Variants in LRRC4C observed in about 807,000 individuals in gnomAD.
The protein encoded by LRRC4C is leucine-rich repeat-containing protein 4C.
LRRC4C carries 5 observed loss-of-function variants against 33.6 expected under a neutral mutation model. That is an observed-to-expected ratio of 0.15 (90% CI 0.08 to 0.31). LRRC4C has a LOEUF of 0.31. Ranked by LOEUF, LRRC4C falls within the 10% of genes least tolerant of loss-of-function variation. The pLI, the probability that LRRC4C is intolerant of heterozygous loss-of-function variation, is 1.00. For synonymous variants in LRRC4C, 329 were observed against 302.0 expected (o/e 1.09, Z -0.93); for missense variants, 560 against 796.7 (o/e 0.70, Z 3.58).
intron 4 of LRRC4C, among the ~76,000 whole-genome samples, chr11:40,259,913 G>C (rs1867553575): frequency 6.6e-6 from 1 of 151,416 alleles, no homozygotes; most frequent in African/African-American, 2.4e-5. Context: ...AACAGGTGCT[G>C]GAGAGGATGT....
rs555069075 is a variant in LRRC4C at position 40,153,351 on chromosome 11, A to G, written c.-95-12498T>C. 9.2e-5 allele frequency among the ~76,000 whole-genome samples: 14 copies of G among 152,208 alleles called. No homozygotes were observed. In the South Asian group the frequency reaches 2.5e-3, roughly 27 times the overall value. On this transcript the variant is annotated intron_variant, in intron 5 of 6. Coordinates refer to ENST00000528697, the MANE Select transcript of LRRC4C (RefSeq NM_001258419.2). ...TATCCAAATGAGAAGGAGCCAGAAA[A>G]CCAACCCTGGTAATATGACAAAACA...
At chr11:40,388,491 T>C (rs1949204987) in intron 3 of LRRC4C, among the ~76,000 whole-genome samples, 1 of 152,118 alleles carries the variant, frequency 6.6e-6, no homozygotes, top group Non-Finnish European at 1.5e-5. Context: ...TCCCAAACCT[T>C]ACAAACTCTC....
chr11:41,251,059 C>A (rs542706693), intron 1 of LRRC4C, among the ~76,000 whole-genome samples: 8 of 152,222 alleles, frequency 5.3e-5, no homozygotes, highest in African/African-American at 1.9e-4. Context: ...TCTTATTTTA[C>A]TTTACACTCA....
At chr11:40,653,031 A>G (rs964457642) in intron 2 of LRRC4C, among the ~76,000 whole-genome samples, 1 of 152,168 alleles carries the variant, frequency 6.6e-6, no homozygotes, top group African/African-American at 2.4e-5. Flanking sequence ...GCCTTCTGCC[A>G]TGATTGTAAG....
At chr11:40,177,860 G>A (rs776718816) in intron 5 of LRRC4C, among the ~76,000 whole-genome samples, 3 of 152,010 alleles carry the variant, frequency 2.0e-5, no homozygotes, top group Non-Finnish European at 4.4e-5. Context: ...GATGTACCCC[G>A]AGTGTTTATG....
At chr11:40,523,110 A>T (rs2135244207) in intron 3 of LRRC4C, among the ~76,000 whole-genome samples, 1 of 152,310 alleles carries the variant, frequency 6.6e-6, no homozygotes, top group East Asian at 1.9e-4. Context: ...ATTTTATGAG[A>T]AATCACCATA....
At chr11:41,373,203 T>C (rs1325654932) in intron 1 of LRRC4C, among the ~76,000 whole-genome samples, 2 of 152,096 alleles carry the variant, frequency 1.3e-5, no homozygotes, top group Non-Finnish European at 2.9e-5. Flanking sequence ...CAGTTGAATA[T>C]TGTATCCTTT....
intron 3 of LRRC4C, among the ~76,000 whole-genome samples, chr11:40,574,425 T>C (rs1045482595): frequency 6.6e-6 from 1 of 152,136 alleles, no homozygotes; most frequent in Non-Finnish European, 1.5e-5. Context: ...AGAACCAATG[T>C]TTCTAAATAC....
intron 3 of LRRC4C, among the ~76,000 whole-genome samples, chr11:40,554,727 G>A (rs116325490): frequency 7.3e-6 from 1 of 137,526 alleles, no homozygotes; most frequent in African/African-American, 3.1e-5. Context: ...CTGTAAATGG[G>A]ATTGCATTCT....
At chr11:40,351,367 G>T (rs1052741187) in intron 3 of LRRC4C, among the ~76,000 whole-genome samples, 1 of 151,864 alleles carries the variant, frequency 6.6e-6, no homozygotes, top group African/African-American at 2.4e-5. Context: ...AGAAGAATGT[G>T]CATTCTGCAG....
intron 2 of LRRC4C, among the ~76,000 whole-genome samples, chr11:40,931,936 T>C (rs1592124670): frequency 6.6e-6 from 1 of 152,104 alleles, no homozygotes; most frequent in African/African-American, 2.4e-5. Flanking sequence ...AATCTATTAA[T>C]TGAAGTCATT....
chr11:40,273,380 AAT>A (rs933592619), intron 4 of LRRC4C, among the ~76,000 whole-genome samples: 1 of 152,160 alleles, frequency 6.6e-6, no homozygotes, highest in Admixed American at 6.6e-5. Flanking sequence ...CAGTGCATAT[AAT>A]TCAATAAGTA....
At chr11:40,689,570 A>G (rs1279148023) in intron 2 of LRRC4C, among the ~76,000 whole-genome samples, 2 of 152,102 alleles carry the variant, frequency 1.3e-5, no homozygotes, top group Non-Finnish European at 2.9e-5. Flanking sequence ...CTCTAAATTG[A>G]TTTATCCATT....
chr11:40,357,526 T>A (rs1267170789), intron 3 of LRRC4C, among the ~76,000 whole-genome samples: 2 of 152,176 alleles, frequency 1.3e-5, no homozygotes, highest in Non-Finnish European at 2.9e-5. Context: ...CAGAACACAT[T>A]TAATGGGGCT....
At chr11:40,899,552 A>C (rs1310146966) in intron 2 of LRRC4C, among the ~76,000 whole-genome samples, 1 of 152,166 alleles carries the variant, frequency 6.6e-6, no homozygotes, top group Non-Finnish European at 1.5e-5. Context: ...CCTTCTGATT[A>C]TCTAGACAAA....
intron 2 of LRRC4C, among the ~76,000 whole-genome samples, chr11:40,765,143 A>G (rs2137109116): frequency 6.6e-6 from 1 of 152,250 alleles, no homozygotes; most frequent in East Asian, 1.9e-4. Flanking sequence ...CTGTATCCCC[A>G]CCCAAATCTC....
intron 3 of LRRC4C, among the ~76,000 whole-genome samples, chr11:40,576,595 G>T (rs1156504925): frequency 6.6e-6 from 1 of 152,128 alleles, no homozygotes; most frequent in Non-Finnish European, 1.5e-5. Flanking sequence ...AAGAAGAAAT[G>T]CCCAAGGAGT....
At chr11:41,007,752 T>C (rs1317191364) in intron 1 of LRRC4C, among the ~76,000 whole-genome samples, 1 of 152,190 alleles carries the variant, frequency 6.6e-6, no homozygotes, top group South Asian at 2.1e-4. Flanking sequence ...AAACAAAATA[T>C]TTAACCCATC....
chr11:41,396,508 A>G (rs1235033922), intron 1 of LRRC4C, among the ~76,000 whole-genome samples: 1 of 152,006 alleles, frequency 6.6e-6, no homozygotes, highest in Non-Finnish European at 1.5e-5. Flanking sequence ...ATAATCAGAC[A>G]GGTGTTCCTC....
Sources: gnomAD v4.1 joint callset for allele counts (sites outside exome capture counted in the v4.1 genomes callset) on GRCh38, gnomAD v4.1.1 for gene constraint, MANE v1.5 for transcripts, NCBI Gene and HGNC (gene_info 2026-07-23, HGNC 2026-07-21) for gene names.